Variants in MED13L observed in about 807,000 individuals in gnomAD.
MED13L encodes mediator complex subunit 13L.
MED13L carries 7 observed loss-of-function variants against 220.9 expected under a neutral mutation model. That is an observed-to-expected ratio of 0.03 (90% CI 0.02 to 0.06). MED13L has a LOEUF of 0.06. Among genes scored for constraint, MED13L ranks in the 10% least tolerant of loss-of-function variants. The pLI is 1.00. For missense variants in MED13L, 1,965 were observed against 2,760.5 expected, an observed-to-expected ratio of 0.71 and a Z score of 6.46; for synonymous variants, 1,011 against 1,015.2, an observed-to-expected ratio of 1.00 and a Z score of 0.08.
At chr12:116,269,352 G>A (rs1322996729) in intron 1 of MED13L, among the ~76,000 whole-genome samples, 2 of 151,458 alleles carry the variant, frequency 1.3e-5, no homozygotes, top group East Asian at 1.9e-4. Flanking sequence ...CACCGCACCC[G>A]GCCTATCATC....
intron 1 of MED13L, among the ~76,000 whole-genome samples, chr12:116,271,966 ATTG>A (rs930958810): frequency 1.6e-4 from 24 of 152,254 alleles, no homozygotes; most frequent in African/African-American, 5.1e-4. Flanking sequence ...CATTGTTATT[ATTG>A]TTATTTTCTT....
At chr12:115,976,044 G>T (rs1876914213) in intron 23 of MED13L, among the ~76,000 whole-genome samples, 1 of 152,114 alleles carries the variant, frequency 6.6e-6, no homozygotes, top group Admixed American at 6.5e-5. Context: ...AAACTACAAT[G>T]AGATAATGCT....
intron 28 of MED13L, among the ~76,000 whole-genome samples, chr12:115,968,053 TCCCC>T (rs57877420): frequency 7.4e-5 from 3 of 40,598 alleles, no homozygotes; most frequent in Admixed American, 3.3e-4. Flanking sequence ...GGAATAAAAG[TCCCC>T]CCCCCCCCCC....
Position 115,970,701 on chromosome 12 carries a change from G to C in MED13L, c.5960C>G (p.Thr1987Ser). ...GTGTGTACAAGAAGCATCTTGAGGG[G>C]TGTTGAGCTGAGATGACTGCATGTT... ...ALNMQSSQLN[T>S]PQDASCTHIL... Residue 1987 changes from threonine to serine, a missense_variant, in exon 27 of 31, where the codon ACC becomes AGC. Around this residue, in one of 10 missense-constraint regions of MED13L, gnomAD observed 145 missense variants for 328.3 expected, o/e 0.44. Transcript: ENST00000281928. 6.2e-7 allele frequency: 1 copy of C among 1,614,072 alleles called. No individual in the cohort carries two copies. The highest frequency in any genetic ancestry group is 8.5e-7 in the Non-Finnish European group (1 of 1,179,954).
At chr12:116,088,761 C>A (rs1871939473) in intron 4 of MED13L, among the ~76,000 whole-genome samples, 1 of 148,224 alleles carries the variant, frequency 6.7e-6, no homozygotes. Context: ...GGAGGGGAGA[C>A]CAAAATTCAG....
At chr12:116,145,791 C>T (rs535851922) in intron 2 of MED13L, among the ~76,000 whole-genome samples, 14 of 151,760 alleles carry the variant, frequency 9.2e-5, no homozygotes, top group African/African-American at 3.1e-4. Context: ...TCTCCCCAAG[C>T]GCTGGAACTA....
intron 4 of MED13L, among the ~76,000 whole-genome samples, chr12:116,039,048 G>A (rs1415579709): frequency 6.6e-6 from 1 of 152,042 alleles, no homozygotes; most frequent in African/African-American, 2.4e-5. Context: ...AACTGATAAA[G>A]CTATAATATT....
chr12:116,151,296 C>T (rs935294521), intron 2 of MED13L, among the ~76,000 whole-genome samples: 49 of 152,110 alleles, frequency 3.2e-4, no homozygotes, highest in African/African-American at 1.1e-3. Context: ...AGATCAAAGA[C>T]ATCTTAAGTT....
intron 2 of MED13L, among the ~76,000 whole-genome samples, chr12:116,146,203 A>T (rs987374749): frequency 6.6e-6 from 1 of 151,882 alleles, no homozygotes; most frequent in Non-Finnish European, 1.5e-5. Flanking sequence ...GTTCACTGCA[A>T]CCTCCACCTC....
intron 4 of MED13L, among the ~76,000 whole-genome samples, chr12:116,089,150 C>A (rs543616917): frequency 1.3e-5 from 2 of 152,254 alleles, no homozygotes; most frequent in East Asian, 3.9e-4. Context: ...AAAATATACA[C>A]TTTCCAGTTA....
intron 2 of MED13L, among the ~76,000 whole-genome samples, chr12:116,120,777 A>C (rs2137953571): frequency 6.6e-6 from 1 of 152,280 alleles, no homozygotes; most frequent in South Asian, 2.1e-4. Flanking sequence ...TTTCTATTTA[A>C]ATGCTTATAA....
intron 1 of MED13L, chr12:116,276,492 C>G (rs1873845532): frequency 7.8e-7 from 1 of 1,287,624 alleles, no homozygotes; most frequent in Non-Finnish European, 1.0e-6. Context: ...GAGAGGCAGG[C>G]GGCTGTCGAT....
At chr12:116,174,676 A>G (rs1223016030) in intron 2 of MED13L, 1 of 152,202 alleles carries the variant, frequency 6.6e-6, no homozygotes, top group East Asian at 1.9e-4. Flanking sequence ...AGCTGCCAAC[A>G]CCTATCTGAA....
chr12:115,983,108 A>T lies in MED13L; in HGVS notation c.4955+9T>A. 1 of 1,613,874 alleles carries T rather than the reference A, an allele frequency of 6.2e-7. No individual in the cohort carries two copies. Among genetic ancestry groups the T allele is most frequent in the Non-Finnish European group, 8.5e-7 (1 of 1,179,908 alleles). ...TGAAGCCACTCATCTCAATTAGTGAATAACATACCTCTCTTGTCCATCCTG... is the reference window on the plus strand; with the variant it reads ...TGAAGCCACTCATCTCAATTAGTGATTAACATACCTCTCTTGTCCATCCTG... On this transcript the variant is annotated intron_variant, in intron 21 of 30. Coordinates refer to ENST00000281928, the MANE Select transcript of MED13L (RefSeq NM_015335.5).
intron 2 of MED13L, among the ~76,000 whole-genome samples, chr12:116,119,982 A>G (rs1360365246): frequency 6.6e-6 from 1 of 151,524 alleles, no homozygotes; most frequent in East Asian, 1.9e-4. Flanking sequence ...TAATAAATAT[A>G]TTAATCATTC....
At chr12:116,086,534 G>A (rs370689200) in intron 4 of MED13L, among the ~76,000 whole-genome samples, 20 of 152,022 alleles carry the variant, frequency 1.3e-4, no homozygotes, top group East Asian at 5.8e-4. Context: ...TGCCTGTCTC[G>A]GCCTCCCAAA....
chr12:116,180,753 T>G (rs1474771082), intron 2 of MED13L, among the ~76,000 whole-genome samples: 1 of 152,158 alleles, frequency 6.6e-6, no homozygotes. Context: ...AGGTAGAATC[T>G]TGATTAAGTG....
At chr12:116,027,462 G>A (rs1880468672) in intron 4 of MED13L, among the ~76,000 whole-genome samples, 1 of 152,034 alleles carries the variant, frequency 6.6e-6, no homozygotes. Flanking sequence ...AATAATTTTG[G>A]TTCCCTCGGG....
intron 1 of MED13L, among the ~76,000 whole-genome samples, chr12:116,247,901 T>C (rs1332764166): frequency 1.4e-4 from 21 of 152,222 alleles, no homozygotes; most frequent in Admixed American, 1.4e-3. Flanking sequence ...TATTTAAAAG[T>C]AGCTGCCATC....
Sources: allele counts gnomAD v4.1 joint callset (sites outside exome capture counted in the v4.1 genomes callset), GRCh38; gene constraint gnomAD v4.1.1; regional missense constraint gnomAD v4.1.1; transcripts MANE v1.5; gene names NCBI Gene and HGNC (gene_info 2026-07-23, HGNC 2026-07-21).